The following FOS variants were observed in gnomAD, a reference collection of about 807,000 sequenced individuals.
The protein encoded by FOS is protein c-Fos.
Under a neutral mutation model 27.2 loss-of-function variants are expected in FOS, and 9 were observed. That is an observed-to-expected ratio of 0.33 (90% CI 0.20 to 0.58). The LOEUF (loss-of-function observed/expected upper bound fraction) is 0.58, where lower values mean the gene tolerates loss of function less well. FOS is among the 20% of genes least tolerant of loss of function. The pLI, the probability that FOS is intolerant of heterozygous loss-of-function variation, is 0.87. For missense variants in FOS, 405 were observed against 483.5 expected (o/e 0.84, Z 1.52); for synonymous variants, 213 against 205.1 (o/e 1.04, Z -0.33).
At position 75,279,610 on chromosome 14, in the gene FOS, G is replaced by T; in HGVS notation, c.142-267G>T. The T allele has an allele frequency of 3.7e-6, 2 of 534,630 alleles. No homozygotes were observed. The highest frequency in any genetic ancestry group is 2.6e-5 in the South Asian group (1 of 38,668). The allele number at this position is 534,630 out of a possible 1,614,324, so 33.1% of individuals were successfully genotyped here. A position where few individuals can be genotyped will look rare whatever the true frequency, so the allele number is the denominator to read the frequency against. On this transcript the variant is annotated intron_variant, in intron 1 of 3. Transcript: ENST00000303562. This position sits in a 1 kb window ranked among gnomAD's most constrained non-coding sequence, Gnocchi z 5.4. The stretch of plus-strand genomic sequence containing the variant: ...GCGCCTGCGTCAGCGCAGACGTCAG[G>T]GATATTTATAACAAACCCCCTTTCA...
At position 75,279,523 on chromosome 14, in the gene FOS, G is replaced by A. The variant is rs1897202128; in HGVS notation, c.142-354G>A. On this transcript the variant is annotated intron_variant, in intron 1 of 3. Coordinates refer to ENST00000303562, the MANE Select transcript of FOS (RefSeq NM_005252.4). This position sits in a 1 kb window ranked among gnomAD's most constrained non-coding sequence, Gnocchi z 5.4. ...GAGGGATGAGGGAGGAGGGTGCAGC[G>A]GGCGGGTGTGTAAGGCAGTTTCATT... The A allele has an allele frequency of 4.6e-6, 2 of 438,662 alleles. No individual in the cohort carries two copies. The highest frequency in any genetic ancestry group is 5.2e-5 in the South Asian group (2 of 38,162). 27.2% of individuals were successfully genotyped at this position (438,662 alleles called of 1,614,324 possible).
rs1266897897 is a variant in FOS at position 75,278,863 on chromosome 14, CTG to C, written c.-119_-118del. 4.8e-6 allele frequency: 6 copies of C among 1,239,656 alleles called. No individual in the cohort carries two copies. In the African/African-American group the frequency reaches 9.0e-5, roughly 19 times the overall value. The allele number at this position is 1,239,656 out of a possible 1,614,324, so 76.8% of individuals were successfully genotyped here. A position where few individuals can be genotyped will look rare whatever the true frequency, so the allele number is the denominator to read the frequency against. ...GCAGCGAGCATCTGAGAAGCCAAGA[CTG>C]AGCCGGCGGCCGCGGCGCAGCGAAC... On this transcript the variant is annotated 5_prime_UTR_variant, in exon 1 of 4. Transcript: ENST00000303562. The surrounding 1 kb of genome is among the most constrained non-coding windows in gnomAD (Gnocchi z 4.1).
At position 75,279,005 on chromosome 14, in the gene FOS, C is replaced by A. The variant is rs1283649601; in HGVS notation, c.23C>A (p.Ala8Glu). The A allele has an allele frequency of 6.2e-7, 1 of 1,613,716 alleles. No individual in the cohort carries two copies. Among genetic ancestry groups the A allele is most frequent in the Non-Finnish European group, 8.5e-7 (1 of 1,179,950 alleles). ...ACGATGATGTTCTCGGGCTTCAACGCAGACTACGAGGCGTCATCCTCCCGC... is the reference window on the plus strand; with the variant it reads ...ACGATGATGTTCTCGGGCTTCAACGAAGACTACGAGGCGTCATCCTCCCGC... MMFSGFN[A>E]DYEASSSRCS... is the part of the protein sequence containing the mutation. The change falls in exon 1 of 4, where the codon GCA (alanine) becomes GAA (glutamate). Residue 8 changes from alanine (A) to glutamate (E), a missense_variant. Ala to Glu is a moderately radical substitution (Grantham distance 107, BLOSUM62 -1). Coordinates refer to ENST00000303562, the MANE Select transcript of FOS (RefSeq NM_005252.4). This position sits in a 1 kb window ranked among gnomAD's most constrained non-coding sequence, Gnocchi z 5.4.
rs1250715029 is a variant in FOS at position 75,279,837 on chromosome 14, T to C, written c.142-40T>C. Reference sequence around the variant, plus strand: ...ACTCGCCCCACCTGTGTCCGGAACCTGCTCGCTCACGTCGGCTTTCCCCTT... The same window carrying C: ...ACTCGCCCCACCTGTGTCCGGAACCCGCTCGCTCACGTCGGCTTTCCCCTT... On this transcript the variant is annotated intron_variant, in intron 1 of 3. Coordinates refer to ENST00000303562, the MANE Select transcript of FOS (RefSeq NM_005252.4). This position sits in a 1 kb window ranked among gnomAD's most constrained non-coding sequence, Gnocchi z 5.4. 3 of 1,553,176 alleles carry C rather than the reference T, an allele frequency of 1.9e-6. No homozygotes were observed. The highest frequency in any genetic ancestry group is 1.2e-5 in the South Asian group (1 of 82,802).
Position 75,279,182 on chromosome 14 carries a change from A to G in FOS, c.141+59A>G, listed in dbSNP as rs1897197758. 10 of 1,599,654 alleles carry G rather than the reference A, an allele frequency of 6.3e-6. No individual in the cohort carries two copies. The highest frequency in any genetic ancestry group is 8.5e-6 in the Non-Finnish European group (10 of 1,176,676). On this transcript the variant is annotated intron_variant, in intron 1 of 3. Coordinates refer to ENST00000303562, the MANE Select transcript of FOS (RefSeq NM_005252.4). This position sits in a 1 kb window ranked among gnomAD's most constrained non-coding sequence, Gnocchi z 5.4. ...GGCTTGGGGTCGCGGAGGAGGAGAC[A>G]CCGGGCGGGACGCTCCAGTAGATGA...
rs781343060 is a variant in FOS at position 75,280,067 on chromosome 14, T to C, written c.332T>C (p.Val111Ala). ...GCTGGGGCTTACTCCAGGGCTGGCG[T>C]TGTGAAGACCATGACAGGAGGCCGA... Reference protein sequence around the residue: ...PSAGAYSRAGVVKTMTGGRAQ... With the variant: ...PSAGAYSRAGAVKTMTGGRAQ... The change falls in exon 2 of 4, where the codon GTT (valine) becomes GCT (alanine). Residue 111 changes from valine to alanine, a missense_variant. By Grantham distance (64) the Val-to-Ala change is moderately conservative. Coordinates refer to ENST00000303562, the MANE Select transcript of FOS (RefSeq NM_005252.4). The C allele has an allele frequency of 6.8e-6, 11 of 1,614,104 alleles. No homozygotes were observed. Among genetic ancestry groups the C allele is most frequent in the Non-Finnish European group, 8.5e-6 (10 of 1,180,018 alleles).
In FOS at chr14:75,280,017, C is replaced by T. The variant is rs764698199; in HGVS notation, c.282C>T (p.His94=). The T allele has an allele frequency of 3.1e-6, 5 of 1,614,016 alleles. No homozygotes were observed. The African/African-American group carries it at 5.3e-5, about 17-fold the overall frequency. ...SVAPSQTRAP[H]PFGVPAPSAG... is the part of the protein sequence containing the mutation. ...CCCCATCGCAGACCAGAGCCCCTCA[C>T]CCTTTCGGAGTCCCCGCCCCCTCCG... Residue 94 remains histidine, a synonymous_variant, in exon 2 of 4, where the codon CAC becomes CAT. Transcript: ENST00000303562.
Position 75,280,017 on chromosome 14 carries a change from C to A in FOS, c.282C>A (p.His94Gln), listed in dbSNP as rs764698199. The A allele has an allele frequency of 6.2e-7, 1 of 1,614,134 alleles. No homozygotes were observed. The highest frequency in any genetic ancestry group is 2.2e-5 in the East Asian group (1 of 44,882). ...CCCCATCGCAGACCAGAGCCCCTCA[C>A]CCTTTCGGAGTCCCCGCCCCCTCCG... is the stretch of plus-strand genomic sequence containing the variant. ...SVAPSQTRAP[H>Q]PFGVPAPSAG... The change falls in exon 2 of 4, where the codon CAC (histidine) becomes CAA (glutamine). Residue 94 changes from histidine to glutamine, a missense_variant. Coordinates refer to ENST00000303562, the MANE Select transcript of FOS (RefSeq NM_005252.4).
At position 75,281,934 on chromosome 14, in the gene FOS, A is replaced by G. The variant is rs1382461417; in HGVS notation, c.*510A>G. On this transcript the variant is annotated 3_prime_UTR_variant, in exon 4 of 4. Transcript: ENST00000303562. The surrounding 1 kb of genome is among the most constrained non-coding windows in gnomAD (Gnocchi z 4.7). ...TTTATTTTCTGGTAGATAGAAATAA[A>G]TAGCTATATCCATGTACTGTAGTTT... 1.2e-5 allele frequency: 2 copies of G among 162,244 alleles called. No individual in the cohort carries two copies. Among genetic ancestry groups the G allele is most frequent in the Non-Finnish European group, 2.8e-5 (2 of 72,392 alleles). 10.1% of individuals were successfully genotyped at this position (162,244 alleles called of 1,614,324 possible).
intron 2 of FOS, 89 bp downstream of exon 2, chr14:75,280,217 A>G (rs1431927150): frequency 1.3e-6 from 2 of 1,564,686 alleles, no homozygotes; most frequent in Admixed American, 1.7e-5. Flanking sequence ...CAGAGGATGA[A>G]GCCACTGATG....
chr14:75,281,535 G>A lies in FOS; in HGVS notation c.*111G>A. ...TAGAGGGTTCCTGTAGACCTAGGGA[G>A]GACCTTATCTGTGCGTGAAACACAC... On this transcript the variant is annotated 3_prime_UTR_variant, in exon 4 of 4. Coordinates refer to ENST00000303562, the MANE Select transcript of FOS (RefSeq NM_005252.4). The surrounding 1 kb of genome is among the most constrained non-coding windows in gnomAD (Gnocchi z 4.7). 8.3e-7 allele frequency: 1 copy of A among 1,204,456 alleles called. No individual in the cohort carries two copies. The highest frequency in any genetic ancestry group is 1.1e-6 in the Non-Finnish European group (1 of 875,678). The allele number at this position is 1,204,456 out of a possible 1,614,324, so 74.6% of individuals were successfully genotyped here.
chr14:75,279,790 A>T lies in FOS; in HGVS notation c.142-87A>T. 7.0e-7 allele frequency: 1 copy of T among 1,429,284 alleles called. No individual in the cohort carries two copies. The highest frequency in any genetic ancestry group is 9.5e-7 in the Non-Finnish European group (1 of 1,051,864). 88.5% of individuals were successfully genotyped at this position (1,429,284 alleles called of 1,614,324 possible). A position where few individuals can be genotyped will look rare whatever the true frequency, so the allele number is the denominator to read the frequency against. ...GTCCGTGGCAGGATCGTTTCTCTTC[A>T]CTGCTGCATGCGGCACTGGGAACTC... On this transcript the variant is annotated intron_variant, in intron 1 of 3. Coordinates refer to ENST00000303562, the MANE Select transcript of FOS (RefSeq NM_005252.4). This position sits in a 1 kb window ranked among gnomAD's most constrained non-coding sequence, Gnocchi z 5.4.
In FOS at chr14:75,278,976, C is replaced by G. The variant is rs369046051; in HGVS notation, c.-7C>G. The stretch of plus-strand genomic sequence containing the variant: ...GGCCCCTCGCCCGGCTTTGCCTAAC[C>G]GCCACGATGATGTTCTCGGGCTTCA... On this transcript the variant is annotated 5_prime_UTR_variant, in exon 1 of 4. Transcript: ENST00000303562. This position sits in a 1 kb window ranked among gnomAD's most constrained non-coding sequence, Gnocchi z 4.1. 1 of 1,613,486 alleles carries G rather than the reference C, an allele frequency of 6.2e-7. No homozygotes were observed. The highest frequency in any genetic ancestry group is 1.7e-5 in the Admixed American group (1 of 60,020).
Position 75,278,886 on chromosome 14 carries a change from C to A in FOS, c.-97C>A. On this transcript the variant is annotated 5_prime_UTR_variant, in exon 1 of 4. Coordinates refer to ENST00000303562, the MANE Select transcript of FOS (RefSeq NM_005252.4). The surrounding 1 kb of genome is among the most constrained non-coding windows in gnomAD (Gnocchi z 4.1). ...GACTGAGCCGGCGGCCGCGGCGCAG[C>A]GAACGAGCAGTGACCGTGCTCCTAC... is the stretch of plus-strand genomic sequence containing the variant. The A allele has an allele frequency of 2.1e-6, 3 of 1,460,940 alleles. No homozygotes were observed. Among genetic ancestry groups the A allele is most frequent in the South Asian group, 1.2e-5 (1 of 82,670 alleles). 90.5% of individuals were successfully genotyped at this position (1,460,940 alleles called of 1,614,324 possible). A position where few individuals can be genotyped will look rare whatever the true frequency, so the allele number is the denominator to read the frequency against.
rs1359840319 is a variant in FOS, at chr14:75,281,011, C to T, written c.730C>T (p.Leu244Phe). The T allele has an allele frequency of 6.8e-6, 11 of 1,614,054 alleles. No homozygotes were observed. The highest frequency in any genetic ancestry group is 8.5e-6 in the Non-Finnish European group (10 of 1,180,030). ...ESEEAFTLPL[L>F]NDPEPKPSVE... ...TGAGGAGGCCTTCACCCTGCCTCTC[C>T]TCAATGACCCTGAGCCCAAGCCCTC... is the stretch of plus-strand genomic sequence containing the variant. The change falls in exon 4 of 4, where the codon CTC becomes TTC. Residue 244 changes from leucine (L) to phenylalanine (F), a missense_variant. Leu to Phe is a conservative substitution (Grantham distance 22). Coordinates refer to ENST00000303562, the MANE Select transcript of FOS (RefSeq NM_005252.4). The surrounding 1 kb of genome is among the most constrained non-coding windows in gnomAD (Gnocchi z 4.7).
At position 75,279,215 on chromosome 14, in the gene FOS, G is replaced by T; in HGVS notation, c.141+92G>T. The T allele has an allele frequency of 6.5e-7, 1 of 1,534,504 alleles. No individual in the cohort carries two copies. The highest frequency in any genetic ancestry group is 8.8e-7 in the Non-Finnish European group (1 of 1,131,478). Reference sequence around the variant, plus strand: ...GGACGCTCCAGTAGATGAGTAGGGGGCTCCCTTGTGCCTGGAGGGAGGCTG... The same window carrying T: ...GGACGCTCCAGTAGATGAGTAGGGGTCTCCCTTGTGCCTGGAGGGAGGCTG... On this transcript the variant is annotated intron_variant, in intron 1 of 3. Coordinates refer to ENST00000303562, the MANE Select transcript of FOS (RefSeq NM_005252.4). This position sits in a 1 kb window ranked among gnomAD's most constrained non-coding sequence, Gnocchi z 5.4.
rs770637274 is a variant in FOS, at chr14:75,281,471, C to G, written c.*47C>G. 6.3e-7 allele frequency: 1 copy of G among 1,581,086 alleles called. No individual in the cohort carries two copies. Among genetic ancestry groups the G allele is most frequent in the Non-Finnish European group, 8.6e-7 (1 of 1,165,032 alleles). The stretch of plus-strand genomic sequence containing the variant: ...GCCGGCACCCACAAGTGCCACTGCC[C>G]GAGCTGGTGCATTACAGAGAGGAGA... On this transcript the variant is annotated 3_prime_UTR_variant, in exon 4 of 4. Transcript: ENST00000303562. The surrounding 1 kb of genome is among the most constrained non-coding windows in gnomAD (Gnocchi z 4.7).
chr14:75,280,166 G>T (rs4645855), intron 2 of FOS, 38 bp downstream of exon 2: 1 of 1,613,044 alleles, frequency 6.2e-7, no homozygotes, highest in African/African-American at 1.3e-5. Context: ...GGAATGTGGG[G>T]GCTGGGTGGG....
In FOS at chr14:75,279,743, TG is replaced by T; in HGVS notation, c.142-133del. The T allele has an allele frequency of 9.5e-7, 1 of 1,054,814 alleles. No individual in the cohort carries two copies. Among genetic ancestry groups the T allele is most frequent in the Non-Finnish European group, 1.4e-6 (1 of 721,090 alleles). 65.3% of individuals were successfully genotyped at this position (1,054,814 alleles called of 1,614,324 possible). On this transcript the variant is annotated intron_variant, in intron 1 of 3. Transcript: ENST00000303562. The surrounding 1 kb of genome is among the most constrained non-coding windows in gnomAD (Gnocchi z 5.4). ...AAAGGGGGAGACCTTTCATCCAGGA[TG>T]AGGGACATTTAAGATGAAATGTCCG...
Sources: allele counts gnomAD v4.1 joint callset, GRCh38; gene constraint gnomAD v4.1.1; non-coding constraint Gnocchi (gnomAD v3.1); transcripts MANE v1.5; gene names NCBI Gene and HGNC (gene_info 2026-07-23, HGNC 2026-07-21).